Variants in TMEFF2 observed in about 807,000 individuals in gnomAD.
The protein encoded by TMEFF2 is transmembrane protein with EGF like and two follistatin like domains 2.
TMEFF2 carries 28 observed loss-of-function variants against 53.8 expected under a neutral mutation model. The ratio of observed to expected loss-of-function variants is 0.52; its 90% CI spans 0.39 to 0.71. The LOEUF is 0.71. Among genes scored for constraint, TMEFF2 ranks in the 30% least tolerant of loss-of-function variants. TMEFF2 has a pLI of 0.00. For synonymous variants in TMEFF2, 162 were observed against 166.3 expected (o/e 0.97, Z 0.20); for missense variants, 353 against 455.2 (o/e 0.78, Z 2.04).
intron 4 of TMEFF2, chr2:192,178,420 A>G (rs1250912755): frequency 6.6e-6 from 1 of 150,918 alleles, no homozygotes; most frequent in Admixed American, 6.6e-5. Flanking sequence ...TTTTATTAGA[A>G]GTAGAGAAAG....
chr2:192,036,227 T>C (rs1687289832), intron 5 of TMEFF2: 1 of 152,222 alleles, frequency 6.6e-6, no homozygotes, highest in African/African-American at 2.4e-5. Flanking sequence ...TACATTCCAG[T>C]TAAGGAGATT....
chr2:192,123,909 G>A (rs1163566518), intron 4 of TMEFF2, among the ~76,000 whole-genome samples: 1 of 152,182 alleles, frequency 6.6e-6, no homozygotes, highest in Non-Finnish European at 1.5e-5. Context: ...AGGATTATGA[G>A]AAATAAGAAA....
chr2:191,962,636 G>T (rs1243280151), intron 7 of TMEFF2, among the ~76,000 whole-genome samples: 2 of 152,012 alleles, frequency 1.3e-5, no homozygotes, highest in African/African-American at 4.8e-5. Context: ...GTAAAATCTT[G>T]GGAGAAAAAC....
chr2:192,006,395 G>A (rs372899771), intron 5 of TMEFF2, among the ~76,000 whole-genome samples: 74 of 152,070 alleles, frequency 4.9e-4, no homozygotes, highest in African/African-American at 1.5e-3. Flanking sequence ...TCCAAAAAAC[G>A]GAATCACATT....
At chr2:192,042,179 C>T (rs1412331063) in intron 5 of TMEFF2, among the ~76,000 whole-genome samples, 1 of 150,702 alleles carries the variant, frequency 6.6e-6, no homozygotes, top group Non-Finnish European at 1.5e-5. Flanking sequence ...CCAGCCTGGG[C>T]AGTAGAGTGA....
intron 2 of TMEFF2, among the ~76,000 whole-genome samples, chr2:192,189,856 G>T (rs1691419189): frequency 6.6e-6 from 1 of 152,078 alleles, no homozygotes; most frequent in South Asian, 2.1e-4. Context: ...TTTTCCACTA[G>T]GGAGATGTTT....
intron 4 of TMEFF2, among the ~76,000 whole-genome samples, chr2:192,075,285 T>TTATATATATATATATATAAAAA (rs59510075): frequency 1.5e-5 from 1 of 65,776 alleles, no homozygotes; most frequent in Non-Finnish European, 2.7e-5. Flanking sequence ...TACAGTACTA[T>TTATATATATATATATATAAAAA]TATATATATA....
rs557851048 is a variant in TMEFF2, at chr2:192,056,253, G to A, written c.536+1426C>T. On this transcript the variant is annotated intron_variant, in intron 5 of 9. Transcript: ENST00000272771. Reference sequence around the variant, plus strand: ...CCAGATGTTTTCCTGAAAGGGGTGAGGTATATGTAAAAAAGAAAAAGAGAG... The same window carrying A: ...CCAGATGTTTTCCTGAAAGGGGTGAAGTATATGTAAAAAAGAAAAAGAGAG... Among the ~76,000 whole-genome samples the A allele has an allele frequency of 4.6e-5, 7 of 151,518 alleles. No individual in the cohort carries two copies. The East Asian group carries it at 1.4e-3, about 29-fold the overall frequency.
intron 7 of TMEFF2, among the ~76,000 whole-genome samples, chr2:191,995,118 C>T (rs1034537164): frequency 2.6e-5 from 4 of 151,968 alleles, no homozygotes; most frequent in African/African-American, 9.7e-5. Context: ...GCATTGCTCC[C>T]TTCGTTTGCA....
intron 5 of TMEFF2, among the ~76,000 whole-genome samples, chr2:192,013,958 CTAGACA>C (rs1022797769): frequency 2.0e-5 from 3 of 152,138 alleles, no homozygotes; most frequent in East Asian, 3.8e-4. Context: ...TTTCAGTGAT[CTAGACA>C]TAAAGTTTAG....
chr2:192,045,730 A>G (rs746032965), intron 5 of TMEFF2, among the ~76,000 whole-genome samples: 1 of 152,098 alleles, frequency 6.6e-6, no homozygotes, highest in Non-Finnish European at 1.5e-5. Flanking sequence ...AGAAACCAAC[A>G]CCGAGTCCCT....
chr2:192,082,874 C>T (rs961023959), intron 4 of TMEFF2, among the ~76,000 whole-genome samples: 6 of 151,290 alleles, frequency 4.0e-5, no homozygotes, highest in Admixed American at 2.0e-4. Context: ...TAAAAGATGT[C>T]AAAGTGCTAA....
chr2:191,958,294 T>C (rs1265307154), intron 7 of TMEFF2, among the ~76,000 whole-genome samples: 4 of 152,230 alleles, frequency 2.6e-5, no homozygotes, highest in Admixed American at 2.6e-4. Flanking sequence ...TCGACACTTC[T>C]ATGGTTCATT....
At chr2:191,950,518 T>TGAAAGAATTTATCATTAGTAGAAG in intron 9 of TMEFF2, 111 bp from the exon 10 acceptor site, 1 of 1,434,286 alleles carries the variant, frequency 7.0e-7, no homozygotes, top group Non-Finnish European at 9.8e-7. Flanking sequence ...ATATTTCAGA[T>TGAAAGAATTTATCATTAGTAGAAG]GAAAGAATTT....
chr2:191,976,916 CGGG>C (rs1355138056), intron 7 of TMEFF2, among the ~76,000 whole-genome samples: 3 of 152,176 alleles, frequency 2.0e-5, no homozygotes, highest in African/African-American at 7.2e-5. Flanking sequence ...TCTGTGACCA[CGGG>C]CAACTTATTA....
At chr2:192,027,725 C>G (rs1687007242) in intron 5 of TMEFF2, 1 of 152,192 alleles carries the variant, frequency 6.6e-6, no homozygotes, top group African/African-American at 2.4e-5. Flanking sequence ...GTTTAATGTT[C>G]TGTTGTCATC....
chr2:191,953,015 A>C (rs1433344577), intron 9 of TMEFF2, among the ~76,000 whole-genome samples: 1 of 152,194 alleles, frequency 6.6e-6, no homozygotes, highest in East Asian at 1.9e-4. Context: ...GTTGGTTTGC[A>C]TTTGGCTTGA....
At chr2:192,032,907 TAAC>T (rs1243659737) in intron 5 of TMEFF2, among the ~76,000 whole-genome samples, 5 of 152,218 alleles carry the variant, frequency 3.3e-5, no homozygotes, top group African/African-American at 4.8e-5. Context: ...TTTTTTTCTC[TAAC>T]AACAACAAAG....
At chr2:191,996,118 A>G (rs1221207180) in intron 7 of TMEFF2, among the ~76,000 whole-genome samples, 1 of 152,148 alleles carries the variant, frequency 6.6e-6, no homozygotes, top group African/African-American at 2.4e-5. Flanking sequence ...TGGAATAAAA[A>G]TTCAATTATC....
Sources: allele counts gnomAD v4.1 joint callset (sites outside exome capture counted in the v4.1 genomes callset), GRCh38; gene constraint gnomAD v4.1.1; transcripts MANE v1.5; gene names NCBI Gene and HGNC (gene_info 2026-07-23, HGNC 2026-07-21).